ULK4: variants seen among roughly 807,000 people sequenced by gnomAD.
ULK4 encodes the protein unc-51 like kinase 4, also known as inactive serine/threonine-protein kinase ULK4.
ULK4 carries 133 observed loss-of-function variants against 160.6 expected under a neutral mutation model. That is an observed-to-expected ratio of 0.83 (90% confidence interval 0.72 to 0.96). ULK4 has a LOEUF of 0.96. Ranked by LOEUF, ULK4 falls within the 40% of genes least tolerant of loss-of-function variation. ULK4 has a pLI of 0.00. For synonymous variants in ULK4, 534 were observed against 539.8 expected (o/e 0.99, Z 0.15); for missense variants, 1,580 against 1,499.5 (o/e 1.05, Z -0.89).
intron 32 of ULK4, among the ~76,000 whole-genome samples, chr3:41,506,718 T>G (rs1222280256): frequency 7.5e-6 from 1 of 132,848 alleles, no homozygotes; most frequent in Non-Finnish European, 1.5e-5. Flanking sequence ...AAGTGTTTTG[T>G]TATTTTAGAC....
At chr3:41,763,535 G>A (rs1468823925) in intron 21 of ULK4, among the ~76,000 whole-genome samples, 1 of 152,180 alleles carries the variant, frequency 6.6e-6, no homozygotes, top group East Asian at 1.9e-4. Context: ...AGCTATAGTA[G>A]TAGTTGGCAT....
chr3:41,702,825 T>A (rs747103307), intron 27 of ULK4, among the ~76,000 whole-genome samples: 1 of 151,544 alleles, frequency 6.6e-6, no homozygotes, highest in Non-Finnish European at 1.5e-5. Flanking sequence ...AGGCCAAAAT[T>A]AGTAAGTTTT....
At chr3:41,563,860 G>A (rs2087691724) in intron 32 of ULK4, among the ~76,000 whole-genome samples, 1 of 152,164 alleles carries the variant, frequency 6.6e-6, no homozygotes, top group South Asian at 2.1e-4. Flanking sequence ...GTCTACTTCT[G>A]TCAACTTATC....
chr3:41,926,252 G>A (rs1321439064), intron 5 of ULK4, among the ~76,000 whole-genome samples: 5 of 152,150 alleles, frequency 3.3e-5, no homozygotes, highest in East Asian at 3.8e-4. Context: ...GACCTGAAGC[G>A]GAGGGGCCTG....
At chr3:41,729,477 C>T (rs556853325) in intron 22 of ULK4, among the ~76,000 whole-genome samples, 76 of 152,332 alleles carry the variant, frequency 5.0e-4, no homozygotes, top group African/African-American at 1.6e-3. Context: ...ACTGCTAGAG[C>T]GTGTCCTTCC....
At chr3:41,670,640 CTTT>C (rs1559474716) in intron 29 of ULK4, among the ~76,000 whole-genome samples, 2 of 151,746 alleles carry the variant, frequency 1.3e-5, no homozygotes, top group African/African-American at 4.8e-5. Context: ...CATACACACA[CTTT>C]TTTAAGTAAA....
At chr3:41,724,493 G>T (rs2037578521) in intron 22 of ULK4, among the ~76,000 whole-genome samples, 1 of 152,128 alleles carries the variant, frequency 6.6e-6, no homozygotes, top group Non-Finnish European at 1.5e-5. Flanking sequence ...GGGAGGCCGA[G>T]GCGGGTGGAT....
At chr3:41,388,476 T>C (rs2081875692) in intron 35 of ULK4, among the ~76,000 whole-genome samples, 1 of 152,106 alleles carries the variant, frequency 6.6e-6, no homozygotes, top group African/African-American at 2.4e-5. Flanking sequence ...TGGTATTGCC[T>C]AGGTTTTCAT....
intron 27 of ULK4, among the ~76,000 whole-genome samples, chr3:41,689,667 G>A (rs2036217829): frequency 6.6e-6 from 1 of 152,220 alleles, no homozygotes; most frequent in South Asian, 2.1e-4. Flanking sequence ...AGACATTTAT[G>A]CAGCTAAAAC....
At chr3:41,891,431 T>C (rs1575897078) in intron 16 of ULK4, among the ~76,000 whole-genome samples, 1 of 144,710 alleles carries the variant, frequency 6.9e-6, no homozygotes, top group South Asian at 2.2e-4. Context: ...CTAGTAAAAT[T>C]TACAGGCCTG....
chr3:41,323,463 T>C lies in ULK4; in HGVS notation c.3679-73889A>G, dbSNP rs535887862. Among the ~76,000 whole-genome samples, 68 of 146,832 alleles carry C rather than the reference T, an allele frequency of 4.6e-4. 1 individual carries two copies. Among genetic ancestry groups the C allele is most frequent in the African/African-American group, 1.7e-3 (66 of 39,610 alleles). ...ACCAAAAACCAAAAAAACAGAGGCA[T>C]GGTACTTCTGTCTAGTGAGAAAAAC... On this transcript the variant is annotated intron_variant, in intron 35 of 36. Transcript: ENST00000301831.
At chr3:41,259,830 A>G (rs897005450) in intron 35 of ULK4, 1 of 152,144 alleles carries the variant, frequency 6.6e-6, no homozygotes, top group African/African-American at 2.4e-5. Context: ...AGTCCAGTTA[A>G]CTTTTGCTTT....
At chr3:41,559,110 A>C (rs2087447453) in intron 32 of ULK4, among the ~76,000 whole-genome samples, 1 of 148,634 alleles carries the variant, frequency 6.7e-6, no homozygotes, top group African/African-American at 2.5e-5. Context: ...CCCACCTATG[A>C]GTGAGAATAT....
At chr3:41,850,668 T>C (rs2042188030) in intron 17 of ULK4, among the ~76,000 whole-genome samples, 1 of 148,922 alleles carries the variant, frequency 6.7e-6, no homozygotes, top group Non-Finnish European at 1.5e-5. Flanking sequence ...TGTTTTTTTC[T>C]TGTAAATTTG....
At chr3:41,661,494 C>T (rs796463167) in intron 30 of ULK4, among the ~76,000 whole-genome samples, 55 of 134,464 alleles carry the variant, frequency 4.1e-4, no homozygotes, top group African/African-American at 1.6e-3. Flanking sequence ...GGCAGATAGA[C>T]AGATAGATAG....
intron 32 of ULK4, among the ~76,000 whole-genome samples, chr3:41,509,555 A>T (rs1238187729): frequency 6.6e-6 from 1 of 152,210 alleles, no homozygotes; most frequent in African/African-American, 2.4e-5. Context: ...AAAGAAAAGG[A>T]TCTTAAGAGC....
rs745473893 is a variant in ULK4, at chr3:41,904,448, A to AG, written c.1182+3396_1182+3397insC. ...CTGTCTCAAAAATAAATAAATAAAT[A>AG]AATAGATAGATAGATAGATATGTAA... On this transcript the variant is annotated intron_variant, in intron 12 of 36. Transcript: ENST00000301831. Among the ~76,000 whole-genome samples, 125 of 151,546 alleles carry AG rather than the reference A, an allele frequency of 8.2e-4. 1 individual carries two copies. The highest frequency in any genetic ancestry group is 1.1e-3 in the Non-Finnish European group (72 of 67,790).
intron 34 of ULK4, among the ~76,000 whole-genome samples, chr3:41,442,683 T>C (rs1404362546): frequency 6.6e-6 from 1 of 151,578 alleles, no homozygotes; most frequent in Non-Finnish European, 1.5e-5. Context: ...TACCTTGAAC[T>C]CCTGGGCTCA....
At chr3:41,720,669 A>G (rs894523382) in intron 22 of ULK4, among the ~76,000 whole-genome samples, 6 of 152,220 alleles carry the variant, frequency 3.9e-5, no homozygotes, top group African/African-American at 1.4e-4. Flanking sequence ...TTCGCTCCTA[A>G]TAAAAGAAAT....
Sources: gnomAD v4.1 joint callset for allele counts (sites outside exome capture counted in the v4.1 genomes callset) on GRCh38, gnomAD v4.1.1 for gene constraint, MANE v1.5 for transcripts, NCBI Gene and HGNC (gene_info 2026-07-23, HGNC 2026-07-21) for gene names.